The following KANSL1 variants were observed in gnomAD, a reference collection of about 807,000 sequenced individuals.
KANSL1 encodes MLL1/MLL complex subunit KANSL1.
Under a neutral mutation model 103.6 loss-of-function variants are expected in KANSL1, and 22 were observed. The observed-to-expected ratio is 0.21, with a 90% confidence interval of 0.15 to 0.30. The LOEUF (loss-of-function observed/expected upper bound fraction) is 0.30. Among genes scored for constraint, KANSL1 ranks in the 10% least tolerant of loss-of-function variants. The pLI is 1.00. For synonymous variants in KANSL1, 600 were observed against 527.6 expected (o/e 1.14, Z -1.88); for missense variants, 1,337 against 1,399.8 (o/e 0.96, Z 0.72).
At position 46,181,692 on chromosome 17, in the gene KANSL1, A is replaced by G. The variant is rs151295221; in HGVS notation, c.-89-9460T>C. Among the ~76,000 whole-genome samples, 1,103 of 152,292 alleles carry G rather than the reference A, an allele frequency of 7.2e-3. 12 individuals carry two copies. Among genetic ancestry groups the G allele is most frequent in the African/African-American group, 0.022 (914 of 41,540 alleles). Reference sequence around the variant, plus strand: ...GGTGATCGACCCGCCTCGGCCTCCCAAAGTGCTGGAATTACAGGCATGAGC... The same window carrying G: ...GGTGATCGACCCGCCTCGGCCTCCCGAAGTGCTGGAATTACAGGCATGAGC... On this transcript the variant is annotated intron_variant, in intron 1 of 14. Transcript: ENST00000432791.
intron 2 of KANSL1, among the ~76,000 whole-genome samples, chr17:46,154,097 C>T (rs543960995): frequency 2.0e-5 from 3 of 152,298 alleles, no homozygotes; most frequent in Admixed American, 6.5e-5. Flanking sequence ...CAGGATAAAA[C>T]GATGTCTAGT....
In KANSL1 at chr17:46,160,827, C is replaced by G. The variant is rs1191811908; in HGVS notation, c.1289+10028G>C. Reference sequence around the variant, plus strand: ...ACCAAATCTAATGAACAATTTGATTCTGTTTACACTAAAAAAGCTAGTGCT... The same window carrying G: ...ACCAAATCTAATGAACAATTTGATTGTGTTTACACTAAAAAAGCTAGTGCT... On this transcript the variant is annotated intron_variant, in intron 2 of 14. Transcript: ENST00000432791. Among the ~76,000 whole-genome samples the G allele has an allele frequency of 5.9e-5, 9 of 152,174 alleles. No homozygotes were observed. The East Asian group carries it at 1.7e-3, about 29-fold the overall frequency.
At chr17:46,088,005 T>C (rs981982259) in intron 3 of KANSL1, among the ~76,000 whole-genome samples, 1 of 152,236 alleles carries the variant, frequency 6.6e-6, no homozygotes, top group African/African-American at 2.4e-5. Flanking sequence ...TGCTGTACTA[T>C]GAAATAGCAA....
chr17:46,191,419 G>A (rs2147917508), intron 1 of KANSL1, among the ~76,000 whole-genome samples: 1 of 152,340 alleles, frequency 6.6e-6, no homozygotes, highest in East Asian at 1.9e-4. Flanking sequence ...TAGGAAAGGG[G>A]AAAGGGAAAA....
chr17:46,049,238 A>G (rs1487769084), intron 7 of KANSL1, among the ~76,000 whole-genome samples: 4 of 109,766 alleles, frequency 3.6e-5, no homozygotes, highest in Admixed American at 9.7e-5. Flanking sequence ...ACCATCCAAG[A>G]CCTTTTTTTT....
chr17:46,126,361 G>A (rs1050852554), intron 2 of KANSL1, among the ~76,000 whole-genome samples: 16 of 152,168 alleles, frequency 1.1e-4, no homozygotes, highest in East Asian at 9.7e-4. Flanking sequence ...AGAATCACTC[G>A]AACCCAGGAG....
At chr17:46,067,221 T>C (rs776421794) in intron 5 of KANSL1, among the ~76,000 whole-genome samples, 1 of 152,220 alleles carries the variant, frequency 6.6e-6, no homozygotes. Flanking sequence ...TTTACAAACA[T>C]AGCCCTTGGA....
chr17:46,070,915 G>A (rs545242056), intron 4 of KANSL1, among the ~76,000 whole-genome samples: 1 of 152,104 alleles, frequency 6.6e-6, no homozygotes. Context: ...AAGAACACTT[G>A]TCAAGATAAA....
chr17:46,151,656 G>A (rs2045111944), intron 2 of KANSL1, among the ~76,000 whole-genome samples: 1 of 152,230 alleles, frequency 6.6e-6, no homozygotes, highest in Non-Finnish European at 1.5e-5. Context: ...AACACACTGA[G>A]TACTTGATAC....
At chr17:46,039,966 A>C in intron 7 of KANSL1, 82 bp from the exon 8 acceptor site, 1 of 1,324,976 alleles carries the variant, frequency 7.5e-7, no homozygotes, top group Non-Finnish European at 1.1e-6. Context: ...ATCCTCCTTT[A>C]ATTTGCCCAG....
chr17:46,051,493 A>G (rs1454759620), intron 6 of KANSL1, among the ~76,000 whole-genome samples: 3 of 152,238 alleles, frequency 2.0e-5, no homozygotes, highest in Non-Finnish European at 2.9e-5. Flanking sequence ...TAAGTCTTCA[A>G]AAGATTGAAT....
At chr17:46,069,805 A>G (rs1318152028) in intron 4 of KANSL1, among the ~76,000 whole-genome samples, 1 of 152,148 alleles carries the variant, frequency 6.6e-6, no homozygotes, top group Non-Finnish European at 1.5e-5. Flanking sequence ...AGATAATCTA[A>G]AAGTTTTAAT....
At chr17:46,125,297 C>T (rs754152681) in intron 2 of KANSL1, among the ~76,000 whole-genome samples, 63 of 152,144 alleles carry the variant, frequency 4.1e-4, no homozygotes, top group Non-Finnish European at 3.4e-4. Context: ...TTAAGGTAGT[C>T]CACTATTTAT....
intron 4 of KANSL1, among the ~76,000 whole-genome samples, chr17:46,069,377 C>T (rs192693558): frequency 1.9e-3 from 295 of 152,258 alleles, no homozygotes; most frequent in African/African-American, 6.6e-3. Context: ...ATACTGATTT[C>T]TTTTGTCTTT....
chr17:46,043,982 C>A (rs2077414013), intron 7 of KANSL1: 1 of 148,880 alleles, frequency 6.7e-6, no homozygotes. Context: ...GTTAGATCCC[C>A]CAGTCAGTAA....
chr17:46,177,834 G>C (rs1207264129), intron 1 of KANSL1, among the ~76,000 whole-genome samples: 1 of 152,010 alleles, frequency 6.6e-6, no homozygotes, highest in East Asian at 1.9e-4. Context: ...CTGGAGAGCA[G>C]TGGCGTGATC....
At chr17:46,188,628 C>T (rs1028217063) in intron 1 of KANSL1, among the ~76,000 whole-genome samples, 1 of 152,154 alleles carries the variant, frequency 6.6e-6, no homozygotes, top group Non-Finnish European at 1.5e-5. Context: ...AGTAAAGAGG[C>T]ACTAAGGTAA....
At chr17:46,099,910 C>A (rs971159181) in intron 2 of KANSL1, among the ~76,000 whole-genome samples, 11 of 151,622 alleles carry the variant, frequency 7.3e-5, no homozygotes, top group African/African-American at 1.4e-4. Flanking sequence ...TGATGAATTA[C>A]TTTTTGGTTA....
chr17:46,138,089 C>T (rs1308299110), intron 2 of KANSL1, among the ~76,000 whole-genome samples: 1 of 152,154 alleles, frequency 6.6e-6, no homozygotes, highest in Non-Finnish European at 1.5e-5. Flanking sequence ...TTCCTGACTC[C>T]TGCCTTGACT....
Sources: gnomAD v4.1 joint callset for allele counts (sites outside exome capture counted in the v4.1 genomes callset) on GRCh38, gnomAD v4.1.1 for gene constraint, MANE v1.5 for transcripts, NCBI Gene and HGNC (gene_info 2026-07-23, HGNC 2026-07-21) for gene names.